VWA8: variants seen among roughly 807,000 people sequenced by gnomAD.
VWA8 encodes von Willebrand factor A domain containing 8.
VWA8 carries 221 observed loss-of-function variants against 241.5 expected under a neutral mutation model. The observed-to-expected ratio is 0.91, with a 90% confidence interval of 0.82 to 1.02. The LOEUF (loss-of-function observed/expected upper bound fraction) is 1.02. Among genes scored for constraint, VWA8 ranks in the 50% least tolerant of loss-of-function variants. The pLI, the probability that VWA8 is intolerant of heterozygous loss-of-function variation, is 0.00. For synonymous variants in VWA8, 852 were observed against 827.1 expected (o/e 1.03, Z -0.52); for missense variants, 2,322 against 2,328.7 (o/e 1.00, Z 0.06).
chr13:41,633,075 T>C (rs2044735815), intron 37 of VWA8, among the ~76,000 whole-genome samples: 1 of 152,208 alleles, frequency 6.6e-6, no homozygotes, highest in South Asian at 2.1e-4. Context: ...AAACAGCACT[T>C]GGAGCATGGG....
chr13:41,566,874 A>G lies in VWA8; in HGVS notation c.*1323T>C, dbSNP rs2044264646. The G allele has an allele frequency of 6.6e-6, 1 of 152,182 alleles. No individual in the cohort carries two copies. Among genetic ancestry groups the G allele is most frequent in the Non-Finnish European group, 1.5e-5 (1 of 68,024 alleles). The allele number at this position is 152,182 out of a possible 1,614,324, so 9.4% of individuals were successfully genotyped here. A position where few individuals can be genotyped will look rare whatever the true frequency, so the allele number is the denominator to read the frequency against. Reference sequence around the variant, plus strand: ...GCTTTTATTTATTTATTTGATAGTTAATGATAGGGAGAGGGGTGATAGAAC... The same window carrying G: ...GCTTTTATTTATTTATTTGATAGTTGATGATAGGGAGAGGGGTGATAGAAC... On this transcript the variant is annotated 3_prime_UTR_variant, in exon 45 of 45. Coordinates refer to ENST00000379310, the MANE Select transcript of VWA8 (RefSeq NM_015058.2).
At chr13:41,720,265 T>G (rs891071984) in intron 25 of VWA8, among the ~76,000 whole-genome samples, 1 of 152,100 alleles carries the variant, frequency 6.6e-6, no homozygotes, top group Admixed American at 6.6e-5. Flanking sequence ...TACAACTGAA[T>G]TTACACTGCT....
intron 40 of VWA8, among the ~76,000 whole-genome samples, chr13:41,595,485 C>T (rs1182497563): frequency 6.6e-6 from 1 of 152,166 alleles, no homozygotes; most frequent in African/African-American, 2.4e-5. Context: ...ATCATCCACA[C>T]CGCCTAAGCC....
rs114502119 is a variant in VWA8, at chr13:41,908,652, A to C, written c.373-956T>G. Among the ~76,000 whole-genome samples the C allele has an allele frequency of 6.3e-3, 957 of 152,292 alleles. 6 individuals carry two copies. The highest frequency in any genetic ancestry group is 0.022 in the African/African-American group (909 of 41,560). ...GAAAGAGGACAAAAAAATAATCAAA[A>C]AAATCATGAGATTTGAAGAGGAAAC... On this transcript the variant is annotated intron_variant, in intron 3 of 44. Coordinates refer to ENST00000379310, the MANE Select transcript of VWA8 (RefSeq NM_015058.2).
chr13:41,709,968 C>A (rs1041041282), intron 26 of VWA8, among the ~76,000 whole-genome samples: 2 of 151,982 alleles, frequency 1.3e-5, no homozygotes, highest in African/African-American at 2.4e-5. Flanking sequence ...TTTCACTTGA[C>A]AGCTTTCCCA....
chr13:41,829,542 C>G (rs1320439657), intron 14 of VWA8, among the ~76,000 whole-genome samples: 1 of 137,664 alleles, frequency 7.3e-6, no homozygotes, highest in African/African-American at 2.7e-5. Context: ...CACACACACA[C>G]ACACACACAC....
chr13:41,570,362 C>G, intron 44 of VWA8, 106 bp downstream of exon 44: 1 of 994,760 alleles, frequency 1.0e-6, no homozygotes, highest in Non-Finnish European at 1.5e-6. Context: ...TGTTTTTCCT[C>G]CATCTGCCTC....
At chr13:41,631,726 G>A (rs1470460275) in intron 37 of VWA8, among the ~76,000 whole-genome samples, 2 of 152,218 alleles carry the variant, frequency 1.3e-5, no homozygotes, top group Non-Finnish European at 2.9e-5. Context: ...TCAAGAGGAT[G>A]ATTCACGGAT....
chr13:41,785,573 T>A (rs1246355457), intron 18 of VWA8, among the ~76,000 whole-genome samples: 3 of 152,152 alleles, frequency 2.0e-5, no homozygotes, highest in Non-Finnish European at 4.4e-5. Context: ...TATGGAGTGC[T>A]GTGAACAAAT....
intron 37 of VWA8, among the ~76,000 whole-genome samples, chr13:41,668,137 C>A (rs1056160471): frequency 1.3e-5 from 2 of 152,138 alleles, no homozygotes; most frequent in Middle Eastern, 3.2e-3. Context: ...TCAATATGGA[C>A]AGTTCCTTTG....
intron 35 of VWA8, among the ~76,000 whole-genome samples, chr13:41,678,035 G>A (rs926099426): frequency 1.3e-5 from 2 of 152,154 alleles, no homozygotes; most frequent in African/African-American, 2.4e-5. Flanking sequence ...ATGAAACAGC[G>A]AGGATACAGA....
chr13:41,922,165 C>G (rs982339169), intron 2 of VWA8, among the ~76,000 whole-genome samples: 4 of 152,032 alleles, frequency 2.6e-5, no homozygotes, highest in African/African-American at 7.2e-5. Context: ...ACAAACCTGA[C>G]AAAAACAAGA....
At position 41,721,570 on chromosome 13, in the gene VWA8, T is replaced by C. The variant is rs777418952; in HGVS notation, c.2764A>G (p.Ile922Val). 2.5e-6 allele frequency: 4 copies of C among 1,612,176 alleles called. No individual in the cohort carries two copies. The South Asian group carries it at 3.3e-5, about 13-fold the overall frequency. ...GNDFFGTLGD[I>V]FSCHAVDNPK... The stretch of plus-strand genomic sequence containing the variant: ...TTATCAACTGCATGGCAGCTAAAAA[T>C]ATCACCTAAAGGAGAGAAAAGATTC... The change falls in exon 25 of 45, where the codon ATT becomes GTT. Residue 922 changes from isoleucine to valine, a missense_variant. Physicochemically the swap from Ile to Val is conservative, Grantham distance 29. Transcript: ENST00000379310.
intron 26 of VWA8, 172 bp downstream of exon 26, chr13:41,719,419 T>C: frequency 6.9e-7 from 1 of 1,443,186 alleles, no homozygotes; most frequent in South Asian, 1.5e-5. Flanking sequence ...TTTACAGGCC[T>C]ATAAATAATG....
chr13:41,960,221 C>A (rs1878546342), intron 1 of VWA8, among the ~76,000 whole-genome samples: 1 of 152,190 alleles, frequency 6.6e-6, no homozygotes, highest in Non-Finnish European at 1.5e-5. Flanking sequence ...TGTTCTCCAG[C>A]GAATCACTTT....
chr13:41,882,199 G>A (rs1373790836), intron 9 of VWA8, among the ~76,000 whole-genome samples: 1 of 150,506 alleles, frequency 6.6e-6, no homozygotes, highest in African/African-American at 2.5e-5. Flanking sequence ...CCACATCTCA[G>A]ACGATGGGCG....
intron 4 of VWA8, among the ~76,000 whole-genome samples, chr13:41,901,096 A>G (rs1875402173): frequency 6.7e-6 from 1 of 149,368 alleles, no homozygotes; most frequent in African/African-American, 2.4e-5. Flanking sequence ...TGTCACTGTC[A>G]TCATGATCAT....
chr13:41,660,008 A>C (rs1219357600), intron 37 of VWA8, among the ~76,000 whole-genome samples: 1 of 152,188 alleles, frequency 6.6e-6, no homozygotes, highest in Non-Finnish European at 1.5e-5. Context: ...CTTTATCATA[A>C]ATACTTTAAA....
chr13:41,814,488 T>C (rs1156528534), intron 16 of VWA8, among the ~76,000 whole-genome samples: 4 of 152,046 alleles, frequency 2.6e-5, no homozygotes, highest in Non-Finnish European at 4.4e-5. Context: ...AAGCTAAGTG[T>C]GGGAAGAGCT....
Sources: gnomAD v4.1 joint callset for allele counts (sites outside exome capture counted in the v4.1 genomes callset) on GRCh38, gnomAD v4.1.1 for gene constraint, MANE v1.5 for transcripts, NCBI Gene and HGNC (gene_info 2026-07-23, HGNC 2026-07-21) for gene names.